The following NECTIN3 variants were observed in gnomAD, a reference collection of about 807,000 sequenced individuals.
The protein encoded by NECTIN3 is nectin-3.
Under a neutral mutation model 49.4 loss-of-function variants are expected in NECTIN3, and 8 were observed. The observed-to-expected ratio is 0.16, with a 90% CI of 0.10 to 0.29. NECTIN3 has a LOEUF of 0.29. Among genes scored for constraint, NECTIN3 ranks in the 10% least tolerant of loss-of-function variants. The pLI is 1.00. For synonymous variants in NECTIN3, 277 were observed against 241.1 expected (o/e 1.15, Z -1.38); for missense variants, 581 against 654.6 (o/e 0.89, Z 1.23).
At chr3:111,083,858 A>G (rs993488896) in intron 1 of NECTIN3, among the ~76,000 whole-genome samples, 1 of 152,220 alleles carries the variant, frequency 6.6e-6, no homozygotes, top group African/African-American at 2.4e-5. Context: ...GCTGGATGAT[A>G]TAGCCTTGTC....
intron 7 of NECTIN3, among the ~76,000 whole-genome samples, chr3:111,162,510 G>A (rs574858371): frequency 7.2e-5 from 11 of 152,278 alleles, no homozygotes; most frequent in Non-Finnish European, 1.3e-4. Context: ...GACCTCACCA[G>A]CCATGTGGAA....
chr3:111,140,928 T>C (rs1275514066), downstream of NECTIN3, among the ~76,000 whole-genome samples: 1 of 151,918 alleles, frequency 6.6e-6, no homozygotes, highest in African/African-American at 2.4e-5. Context: ...TAAAGATAAG[T>C]GGTAATATTT....
intron 7 of NECTIN3, among the ~76,000 whole-genome samples, chr3:111,161,952 ACAGCCACTAC>A (rs1297937678): frequency 1.3e-5 from 2 of 152,182 alleles, no homozygotes; most frequent in Non-Finnish European, 2.9e-5. Flanking sequence ...CCAACCTGTT[ACAGCCACTAC>A]CAGCCACTCT....
intron 1 of NECTIN3, among the ~76,000 whole-genome samples, chr3:111,095,279 T>G (rs188242624): frequency 1.3e-5 from 2 of 152,160 alleles, no homozygotes; most frequent in African/African-American, 4.8e-5. Context: ...GAACCTAAAT[T>G]TGCTTTTCAG....
At chr3:111,129,291 C>G (rs948018340) in intron 5 of NECTIN3, among the ~76,000 whole-genome samples, 1 of 152,056 alleles carries the variant, frequency 6.6e-6, no homozygotes, top group African/African-American at 2.4e-5. Context: ...TTCTTTTTCT[C>G]TTTAGCACGT....
At chr3:111,074,120 A>G in intron 1 of NECTIN3, 1 of 437,046 alleles carries the variant, frequency 2.3e-6, no homozygotes, top group East Asian at 7.1e-5. Context: ...ATAGTGTTAT[A>G]ACACCCTAAT....
chr3:111,108,700 G>A (rs1015104860), intron 1 of NECTIN3, among the ~76,000 whole-genome samples: 5 of 152,252 alleles, frequency 3.3e-5, no homozygotes, highest in East Asian at 1.9e-4. Context: ...ATGGGAGAAA[G>A]TGAAGGGGAG....
At chr3:111,149,459 ATGTGTGTG>A (rs56219611) in intron 7 of NECTIN3, among the ~76,000 whole-genome samples, 9,334 of 128,340 alleles carry the variant, frequency 0.073, 661 homozygotes, top group East Asian at 0.2. Context: ...TTCTGGTAGG[ATGTGTGTG>A]TGTGTGTGTG....
At chr3:111,104,899 G>A (rs918326387) in intron 1 of NECTIN3, among the ~76,000 whole-genome samples, 1 of 151,976 alleles carries the variant, frequency 6.6e-6, no homozygotes, top group African/African-American at 2.4e-5. Flanking sequence ...TGTCAGTTTC[G>A]AATAAAGATG....
intron 7 of NECTIN3, among the ~76,000 whole-genome samples, chr3:111,165,217 G>A (rs1021519868): frequency 1.3e-5 from 2 of 151,878 alleles, no homozygotes; most frequent in African/African-American, 4.8e-5. Flanking sequence ...CTAATTTTTT[G>A]TATTTTTAGT....
At chr3:111,145,116 A>C in intron 6 of NECTIN3, 1 of 1,416,410 alleles carries the variant, frequency 7.1e-7, no homozygotes, top group Non-Finnish European at 9.5e-7. Context: ...ACAGCTCCTC[A>C]TAAAGAACTT....
At chr3:111,073,321 A>G (rs1206919666) in intron 1 of NECTIN3, 2 of 152,198 alleles carry the variant, frequency 1.3e-5, no homozygotes, top group African/African-American at 4.8e-5. Flanking sequence ...TGTGATTTAG[A>G]AGGAGGAGAA....
At chr3:111,163,900 G>A (rs2035268142) in intron 7 of NECTIN3, among the ~76,000 whole-genome samples, 1 of 147,016 alleles carries the variant, frequency 6.8e-6, no homozygotes, top group Non-Finnish European at 1.5e-5. Flanking sequence ...AGTAAATGCA[G>A]AATTCAGAAT....
intron 1 of NECTIN3, among the ~76,000 whole-genome samples, chr3:111,099,755 T>G (rs1378237562): frequency 1.3e-5 from 2 of 152,154 alleles, no homozygotes; most frequent in Non-Finnish European, 2.9e-5. Flanking sequence ...TAGCTGCTAG[T>G]GATGCTGGGG....
At chr3:111,105,510 A>G (rs1481368674) in intron 1 of NECTIN3, among the ~76,000 whole-genome samples, 1 of 152,322 alleles carries the variant, frequency 6.6e-6, no homozygotes, top group South Asian at 2.1e-4. Flanking sequence ...CTGCTAATGC[A>G]TAGAAATACA....
intron 7 of NECTIN3, among the ~76,000 whole-genome samples, chr3:111,171,812 G>A (rs139040159): frequency 2.2e-4 from 33 of 151,632 alleles, no homozygotes; most frequent in African/African-American, 7.5e-4. Flanking sequence ...TATTTTCTTC[G>A]AACAATTCAC....
intron 1 of NECTIN3, chr3:111,193,667 A>G: frequency 2.8e-6 from 1 of 351,146 alleles, no homozygotes; most frequent in Non-Finnish European, 5.2e-6. Context: ...ATTTAACAGT[A>G]CAGCATCTGC....
intron 3 of NECTIN3, among the ~76,000 whole-genome samples, chr3:111,119,494 G>T (rs2107465274): frequency 6.6e-6 from 1 of 152,236 alleles, no homozygotes; most frequent in Non-Finnish European, 1.5e-5. Context: ...ACCACGCCCT[G>T]CTAATTTTTG....
At chr3:111,089,462 T>A (rs2032131907) in intron 1 of NECTIN3, among the ~76,000 whole-genome samples, 3 of 145,564 alleles carry the variant, frequency 2.1e-5, no homozygotes. Flanking sequence ...CACACACATA[T>A]ATGTAATTTT....
Sources: allele counts gnomAD v4.1 joint callset (sites outside exome capture counted in the v4.1 genomes callset), GRCh38; gene constraint gnomAD v4.1.1; transcripts MANE v1.5; gene names NCBI Gene and HGNC (gene_info 2026-07-23, HGNC 2026-07-21).